GRID2: variants seen among roughly 807,000 people sequenced by gnomAD.
GRID2 encodes glutamate receptor ionotropic, delta-2.
A neutral mutation model predicts 114.8 loss-of-function variants in GRID2; 33 were observed. That is an observed-to-expected ratio of 0.29 (90% CI 0.22 to 0.38). The LOEUF is 0.38. Ranked by LOEUF, GRID2 falls within the 10% of genes least tolerant of loss-of-function variation. GRID2 has a pLI of 1.00. For synonymous variants in GRID2, 505 were observed against 449.9 expected (o/e 1.12, Z -1.55); for missense variants, 1,184 against 1,257.7 (o/e 0.94, Z 0.89).
intron 13 of GRID2, among the ~76,000 whole-genome samples, chr4:93,517,300 T>A (rs1005035742): frequency 6.6e-6 from 1 of 152,046 alleles, no homozygotes; most frequent in Non-Finnish European, 1.5e-5. Context: ...TGTGACATAA[T>A]AAAAAGAAGA....
intron 2 of GRID2, among the ~76,000 whole-genome samples, chr4:92,684,039 G>A (rs976541351): frequency 4.6e-5 from 7 of 151,656 alleles, no homozygotes; most frequent in African/African-American, 1.7e-4. Flanking sequence ...GCAATCAATG[G>A]ATAAAATAAA....
intron 14 of GRID2, among the ~76,000 whole-genome samples, chr4:93,671,536 C>T (rs1037531980): frequency 7.9e-5 from 12 of 152,144 alleles, no homozygotes; most frequent in African/African-American, 2.9e-4. Context: ...TTTAGCCCCT[C>T]TACAACTCAG....
At chr4:93,495,767 G>A (rs952121666) in intron 12 of GRID2, among the ~76,000 whole-genome samples, 1 of 151,618 alleles carries the variant, frequency 6.6e-6, no homozygotes, top group East Asian at 1.9e-4. Flanking sequence ...TAATACTAGA[G>A]GATTAAGGGT....
At chr4:92,386,734 A>G (rs1244199831) in intron 1 of GRID2, among the ~76,000 whole-genome samples, 2 of 151,944 alleles carry the variant, frequency 1.3e-5, no homozygotes, top group Admixed American at 6.6e-5. Flanking sequence ...TGGATTAAAA[A>G]CAAACTTCTG....
chr4:92,867,527 T>G (rs2149442207), intron 2 of GRID2, among the ~76,000 whole-genome samples: 1 of 152,070 alleles, frequency 6.6e-6, no homozygotes, highest in East Asian at 1.9e-4. Flanking sequence ...AAAATGGTAA[T>G]TGAGCAAGTG....
intron 2 of GRID2, among the ~76,000 whole-genome samples, chr4:92,879,061 CTG>C (rs1745818952): frequency 6.6e-6 from 1 of 152,074 alleles, no homozygotes; most frequent in Non-Finnish European, 1.5e-5. Flanking sequence ...TGACATCAAA[CTG>C]TTAAAAGCAT....
Position 93,455,892 on chromosome 4 carries a change from C to A in GRID2, c.1776C>A (p.Pro592=). 6.2e-7 allele frequency: 1 copy of A among 1,610,740 alleles called. No homozygotes were observed. Among genetic ancestry groups the A allele is most frequent in the Non-Finnish European group, 8.5e-7 (1 of 1,176,974 alleles). Residue 592 remains proline (P), a synonymous_variant, in exon 11 of 16, where the codon CCC becomes CCA. Transcript: ENST00000282020. ...TCTACCTCTTGAACTGGCTTAATCCCCCACGATTACAAATGGGATCAATGA... is the reference window on the plus strand; with the variant it reads ...TCTACCTCTTGAACTGGCTTAATCCACCACGATTACAAATGGGATCAATGA... The part of the protein sequence containing the change: ...LLVYLLNWLN[P]PRLQMGSMTS...
intron 14 of GRID2, among the ~76,000 whole-genome samples, chr4:93,747,843 C>A (rs1340404162): frequency 6.6e-6 from 1 of 151,796 alleles, no homozygotes; most frequent in Non-Finnish European, 1.5e-5. Context: ...TAAATACTAC[C>A]TGTTATTTGA....
intron 8 of GRID2, among the ~76,000 whole-genome samples, chr4:93,384,040 G>C (rs1026889346): frequency 2.0e-5 from 3 of 152,106 alleles, no homozygotes; most frequent in African/African-American, 7.2e-5. Flanking sequence ...AGGCTGAGAA[G>C]TCAAGGCATC....
chr4:93,298,114 A>G lies in GRID2; in HGVS notation c.1245+59624A>G, dbSNP rs59988253. The stretch of plus-strand genomic sequence containing the variant: ...ATTTCCACCCCATCTTTGCCCAAAT[A>G]TGGTCCTTGTTAGTCTTCCCTGTTC... On this transcript the variant is annotated intron_variant, in intron 8 of 15. Coordinates refer to ENST00000282020, the MANE Select transcript of GRID2 (RefSeq NM_001510.4). Among the ~76,000 whole-genome samples, 790 of 152,242 alleles carry G rather than the reference A, an allele frequency of 5.2e-3. 5 individuals are homozygous for G. The highest frequency in any genetic ancestry group is 0.018 in the African/African-American group (755 of 41,552).
At chr4:93,395,214 A>G (rs1765214991) in intron 8 of GRID2, among the ~76,000 whole-genome samples, 2 of 152,020 alleles carry the variant, frequency 1.3e-5, no homozygotes, top group South Asian at 4.1e-4. Context: ...TATAAGATCA[A>G]ATTAAAACCA....
intron 2 of GRID2, among the ~76,000 whole-genome samples, chr4:92,929,815 A>G (rs1750089196): frequency 6.6e-6 from 1 of 151,272 alleles, no homozygotes; most frequent in Admixed American, 6.6e-5. Context: ...GATATTATTA[A>G]TGTCTAATTT....
At chr4:93,599,106 A>G (rs1402702516) in intron 13 of GRID2, among the ~76,000 whole-genome samples, 1 of 152,230 alleles carries the variant, frequency 6.6e-6, no homozygotes, top group Non-Finnish European at 1.5e-5. Flanking sequence ...CCAGGAAATG[A>G]TACTGTCTCC....
chr4:92,788,756 T>C (rs1239065473), intron 2 of GRID2, among the ~76,000 whole-genome samples: 1 of 151,906 alleles, frequency 6.6e-6, no homozygotes, highest in African/African-American at 2.4e-5. Context: ...TTTAAATATG[T>C]ATATCTATCT....
chr4:93,323,316 T>C (rs528746163), intron 8 of GRID2, among the ~76,000 whole-genome samples: 4 of 152,196 alleles, frequency 2.6e-5, no homozygotes, highest in Non-Finnish European at 5.9e-5. Flanking sequence ...CCTTTCCCCA[T>C]TTTTTATTTT....
chr4:93,326,200 C>A (rs891774886), intron 8 of GRID2, among the ~76,000 whole-genome samples: 30 of 152,130 alleles, frequency 2.0e-4, no homozygotes, highest in African/African-American at 6.0e-4. Context: ...ATTGGAAGTG[C>A]CGAAGAAGTG....
At chr4:92,460,046 A>G (rs1319526164) in intron 1 of GRID2, among the ~76,000 whole-genome samples, 2 of 119,256 alleles carry the variant, frequency 1.7e-5, no homozygotes, top group Non-Finnish European at 3.4e-5. Flanking sequence ...ATATATATAT[A>G]TATATATACA....
intron 14 of GRID2, among the ~76,000 whole-genome samples, chr4:93,760,327 G>C (rs1230942249): frequency 3.3e-5 from 5 of 152,150 alleles, no homozygotes; most frequent in Non-Finnish European, 7.4e-5. Flanking sequence ...ACACAGAATG[G>C]ATGCCTTAGG....
At chr4:93,259,794 G>A (rs371669710) in intron 8 of GRID2, among the ~76,000 whole-genome samples, 3 of 151,664 alleles carry the variant, frequency 2.0e-5, no homozygotes, top group Non-Finnish European at 4.4e-5. Context: ...CATTCACCTT[G>A]GTTTTAAGTT....
Sources: gnomAD v4.1 joint callset for allele counts (sites outside exome capture counted in the v4.1 genomes callset) on GRCh38, gnomAD v4.1.1 for gene constraint, MANE v1.5 for transcripts, NCBI Gene and HGNC (gene_info 2026-07-23, HGNC 2026-07-21) for gene names.